Variants in RPS6KC1 observed in about 807,000 individuals in gnomAD.
The protein encoded by RPS6KC1 is inactive ribosomal protein S6 kinase delta-1.
A neutral mutation model predicts 103.8 loss-of-function variants in RPS6KC1; 54 were observed. The observed-to-expected ratio is 0.52, with a 90% CI of 0.42 to 0.65. The LOEUF (loss-of-function observed/expected upper bound fraction) is 0.65. RPS6KC1 is among the 30% of genes least tolerant of loss of function. The pLI is 0.00. For synonymous variants in RPS6KC1, 439 were observed against 438.7 expected (o/e 1.00, Z -0.01); for missense variants, 1,151 against 1,253.8 (o/e 0.92, Z 1.24).
At chr1:213,399,131 T>C in the RPS6KC1 span, among the ~76,000 whole-genome samples, 4 of 152,210 alleles carry the variant, frequency 2.6e-5, no homozygotes, top group African/African-American at 9.7e-5. Context: ...TCTTCATTCA[T>C]CCAAGAAATA....
chr1:213,169,601 A>G lies in RPS6KC1; in HGVS notation c.951+1628A>G, dbSNP rs1401600461. On this transcript the variant is annotated intron_variant, in intron 7 of 14. Coordinates refer to ENST00000366960, the MANE Select transcript of RPS6KC1 (RefSeq NM_012424.6). Reference sequence around the variant, plus strand: ...TTTATGTAAACATTACTTTGATTCAATTCCCATTTTCCGTGGGATTGACAA... The same window carrying G: ...TTTATGTAAACATTACTTTGATTCAGTTCCCATTTTCCGTGGGATTGACAA... Among the ~76,000 whole-genome samples the G allele has an allele frequency of 4.6e-5, 7 of 152,152 alleles. No individual in the cohort carries two copies. In the South Asian group the frequency reaches 1.2e-3, roughly 27 times the overall value.
the RPS6KC1 span, among the ~76,000 whole-genome samples, chr1:213,452,470 T>C: frequency 6.6e-6 from 1 of 152,154 alleles, no homozygotes; most frequent in Admixed American, 6.5e-5. Flanking sequence ...CTGAGGACAA[T>C]GTACTTGTTA....
intron 5 of RPS6KC1, among the ~76,000 whole-genome samples, chr1:213,126,753 AAAT>A (rs2085034740): frequency 6.6e-6 from 1 of 152,178 alleles, no homozygotes; most frequent in African/African-American, 2.4e-5. Flanking sequence ...CAATGTCTGT[AAAT>A]AAAGTTTTAC....
At chr1:213,695,375 T>A in the RPS6KC1 span, among the ~76,000 whole-genome samples, 2 of 152,086 alleles carry the variant, frequency 1.3e-5, no homozygotes, top group Non-Finnish European at 2.9e-5. Context: ...GTAGGTACAA[T>A]ACCTGTGAAG....
chr1:213,094,087 C>G (rs541140574), intron 3 of RPS6KC1, among the ~76,000 whole-genome samples: 3 of 24,102 alleles, frequency 1.2e-4, no homozygotes, highest in African/African-American at 4.4e-4. Flanking sequence ...ATTTATGCTC[C>G]CCCCCCCCAC....
At chr1:213,522,213 C>A in the RPS6KC1 span, among the ~76,000 whole-genome samples, 5 of 152,318 alleles carry the variant, frequency 3.3e-5, no homozygotes, top group East Asian at 9.6e-4. Flanking sequence ...TCTTGAGTAA[C>A]CAGATGTATT....
At position 213,151,097 on chromosome 1, in the gene RPS6KC1, T is replaced by TC. The variant is rs1558423425; in HGVS notation, c.836-16761_836-16760insC. Among the ~76,000 whole-genome samples the TC allele has an allele frequency of 6.7e-5, 8 of 119,816 alleles. 1 individual carries two copies. The highest frequency in any genetic ancestry group is 5.2e-3 in the Middle Eastern group (1 of 194). The allele number at this position is 119,816 out of a possible 152,430, so 78.6% of individuals were successfully genotyped here. A position where few individuals can be genotyped will look rare whatever the true frequency, so the allele number is the denominator to read the frequency against. ...GCAGAGGCGCCCCTCACCTCCCGGATGGGGGGGCTGGCTGGGCGGGGGGCT... is the reference window on the plus strand; with the variant it reads ...GCAGAGGCGCCCCTCACCTCCCGGATCGGGGGGGCTGGCTGGGCGGGGGGCT... On this transcript the variant is annotated intron_variant, in intron 6 of 14. Transcript: ENST00000366960.
intron 5 of RPS6KC1, among the ~76,000 whole-genome samples, chr1:213,123,130 A>G (rs994918481): frequency 1.3e-5 from 2 of 152,204 alleles, no homozygotes; most frequent in Non-Finnish European, 2.9e-5. Flanking sequence ...TACTCCAGGT[A>G]TTTGATAGCA....
intron 4 of RPS6KC1, among the ~76,000 whole-genome samples, chr1:213,108,644 ATTTTACTTC>A (rs2082712963): frequency 1.4e-5 from 2 of 147,198 alleles, no homozygotes; most frequent in Non-Finnish European, 3.0e-5. Flanking sequence ...TTATTTTATT[ATTTTACTTC>A]TTTTTTTTTT....
At chr1:213,747,329 G>A in the RPS6KC1 span, among the ~76,000 whole-genome samples, 216 of 152,256 alleles carry the variant, frequency 1.4e-3, no homozygotes, top group African/African-American at 5.0e-3. Context: ...GAGGTCACTG[G>A]TGCCCTGGAC....
intron 7 of RPS6KC1, among the ~76,000 whole-genome samples, chr1:213,168,692 G>A (rs2091211995): frequency 1.3e-5 from 2 of 151,912 alleles, no homozygotes; most frequent in South Asian, 4.2e-4. Context: ...GCACGATCTA[G>A]GCTCACTGCA....
intron 12 of RPS6KC1, among the ~76,000 whole-genome samples, chr1:213,254,071 GT>G (rs1444866611): frequency 7.9e-5 from 12 of 152,282 alleles, no homozygotes; most frequent in Admixed American, 6.5e-4. Context: ...TCTATGAGGT[GT>G]TAAACATGAG....
chr1:213,479,488 G>A, the RPS6KC1 span, among the ~76,000 whole-genome samples: 1 of 151,862 alleles, frequency 6.6e-6, no homozygotes, highest in Admixed American at 6.6e-5. Context: ...GATTACTTTC[G>A]AGGCAAAATA....
chr1:213,131,830 G>A (rs1180304166), intron 6 of RPS6KC1, among the ~76,000 whole-genome samples: 1 of 152,094 alleles, frequency 6.6e-6, no homozygotes, highest in Non-Finnish European at 1.5e-5. Flanking sequence ...CTCATTTTGG[G>A]TTGGGAGTTT....
At chr1:213,269,440 T>C (rs921696467) in intron 14 of RPS6KC1, among the ~76,000 whole-genome samples, 1 of 152,166 alleles carries the variant, frequency 6.6e-6, no homozygotes, top group African/African-American at 2.4e-5. Context: ...CTGACATGTA[T>C]AGAACACTTC....
At chr1:213,144,929 G>C (rs866864402) in intron 6 of RPS6KC1, among the ~76,000 whole-genome samples, 8 of 152,022 alleles carry the variant, frequency 5.3e-5, no homozygotes, top group Admixed American at 4.6e-4. Context: ...ACAAAAATTA[G>C]CTGGGCATGG....
At chr1:213,644,249 G>T in the RPS6KC1 span, among the ~76,000 whole-genome samples, 2 of 151,976 alleles carry the variant, frequency 1.3e-5, no homozygotes, top group Admixed American at 1.3e-4. Context: ...CAGAAAAACT[G>T]AGCAAAAGGC....
chr1:213,548,562 G>A, the RPS6KC1 span, among the ~76,000 whole-genome samples: 2,465 of 152,326 alleles, frequency 0.016, 27 homozygotes, highest in South Asian at 0.032. Context: ...TTAGGAGGCT[G>A]AGGTGGGAGA....
chr1:213,240,276 T>C (rs947433392), intron 10 of RPS6KC1, among the ~76,000 whole-genome samples: 2 of 152,308 alleles, frequency 1.3e-5, no homozygotes, highest in African/African-American at 4.8e-5. Flanking sequence ...TAGTATACAA[T>C]TTTAAACAGC....
Sources: gnomAD v4.1 joint callset for allele counts (sites outside exome capture counted in the v4.1 genomes callset) on GRCh38, gnomAD v4.1.1 for gene constraint, MANE v1.5 for transcripts, NCBI Gene and HGNC (gene_info 2026-07-23, HGNC 2026-07-21) for gene names.